Variants in VGLL4 observed in about 807,000 individuals in gnomAD.
VGLL4 encodes transcription cofactor vestigial-like protein 4.
VGLL4 carries 7 observed loss-of-function variants against 21.0 expected under a neutral mutation model. The observed-to-expected ratio is 0.33, with a 90% CI of 0.19 to 0.63. The LOEUF is 0.63. Ranked by LOEUF, VGLL4 falls within the 20% of genes least tolerant of loss-of-function variation. VGLL4 has a pLI of 0.78. For missense variants in VGLL4, 394 were observed against 425.7 expected (o/e 0.93, Z 0.66); for synonymous variants, 222 against 173.2 (o/e 1.28, Z -2.21).
At chr3:11,670,987 A>T (rs1186752215) in intron 2 of VGLL4, among the ~76,000 whole-genome samples, 1 of 152,248 alleles carries the variant, frequency 6.6e-6, no homozygotes, top group Non-Finnish European at 1.5e-5. Context: ...CAGTGAGCTG[A>T]GATCGTGCCA....
At chr3:11,691,761 C>T (rs994502245) in intron 2 of VGLL4, among the ~76,000 whole-genome samples, 20 of 152,138 alleles carry the variant, frequency 1.3e-4, no homozygotes, top group African/African-American at 4.8e-4. Context: ...ACAATGTCCT[C>T]CTAATCCTCA....
At chr3:11,640,609 C>A (rs2075671516) in intron 1 of VGLL4, among the ~76,000 whole-genome samples, 1 of 152,170 alleles carries the variant, frequency 6.6e-6, no homozygotes, top group Non-Finnish European at 1.5e-5. Context: ...CTTCTCCCAC[C>A]CCAAACCTGC....
chr3:11,641,074 G>A (rs796817677), intron 1 of VGLL4, among the ~76,000 whole-genome samples: 56 of 143,778 alleles, frequency 3.9e-4, no homozygotes, highest in African/African-American at 1.3e-3. Flanking sequence ...CCAAGATCGC[G>A]CCATTGCACT....
At chr3:11,638,085 G>GA (rs1216167613) in intron 1 of VGLL4, among the ~76,000 whole-genome samples, 4 of 152,170 alleles carry the variant, frequency 2.6e-5, no homozygotes, top group Non-Finnish European at 5.9e-5. Flanking sequence ...ATTTCTTCCT[G>GA]AAAAAATCCA....
rs1200204457 is a variant in VGLL4, at chr3:11,626,078, T to C, written c.82+17359A>G. 2.6e-5 allele frequency among the ~76,000 whole-genome samples: 4 copies of C among 152,214 alleles called. No individual in the cohort carries two copies. The East Asian group carries it at 5.8e-4, about 22-fold the overall frequency. On this transcript the variant is annotated intron_variant, in intron 1 of 4. Transcript: ENST00000430365. ...ATCTCAGCAAAGCTGTTAAAAATCTTAACTTAAAGAAACTATCATCTTTTA... is the reference window on the plus strand; with the variant it reads ...ATCTCAGCAAAGCTGTTAAAAATCTCAACTTAAAGAAACTATCATCTTTTA...
chr3:11,709,711 A>G (rs1339115980), intron 1 of VGLL4, among the ~76,000 whole-genome samples: 1 of 152,146 alleles, frequency 6.6e-6, no homozygotes, highest in Admixed American at 6.6e-5. Flanking sequence ...TTAGGGAACA[A>G]GAGGTATCGA....
chr3:11,713,557 A>G (rs2076877717), intron 1 of VGLL4, among the ~76,000 whole-genome samples: 1 of 93,296 alleles, frequency 1.1e-5, no homozygotes, highest in African/African-American at 4.9e-5. Flanking sequence ...AACTGTGTGT[A>G]TATATATTAT....
At chr3:11,638,090 A>T (rs2075622665) in intron 1 of VGLL4, among the ~76,000 whole-genome samples, 1 of 152,204 alleles carries the variant, frequency 6.6e-6, no homozygotes, top group South Asian at 2.1e-4. Flanking sequence ...TTCCTGAAAA[A>T]ATCCAGTTTT....
intron 2 of VGLL4, among the ~76,000 whole-genome samples, chr3:11,666,878 C>T (rs1363156835): frequency 6.6e-6 from 1 of 152,202 alleles, no homozygotes; most frequent in Non-Finnish European, 1.5e-5. Flanking sequence ...TGCTCCCCTC[C>T]ACTCCGGTGT....
At chr3:11,690,437 A>G (rs2076510694) in intron 2 of VGLL4, among the ~76,000 whole-genome samples, 1 of 152,220 alleles carries the variant, frequency 6.6e-6, no homozygotes, top group Non-Finnish European at 1.5e-5. Context: ...CTGAATGCCT[A>G]AATACTTTTT....
chr3:11,558,389 G>T lies in VGLL4; in HGVS notation c.*167C>A. The T allele has an allele frequency of 8.7e-7, 1 of 1,153,838 alleles. No individual in the cohort carries two copies. Among genetic ancestry groups the T allele is most frequent in the Non-Finnish European group, 1.2e-6 (1 of 842,612 alleles). The allele number at this position is 1,153,838 out of a possible 1,614,324, so 71.5% of individuals were successfully genotyped here. ...GAGGGCCCCCTTGTACGGATACCAA[G>T]CAAGTACAAAAACAGAACACAAATC... On this transcript the variant is annotated 3_prime_UTR_variant, in exon 5 of 5. Coordinates refer to ENST00000430365, the MANE Select transcript of VGLL4 (RefSeq NM_001128219.3).
intron 2 of VGLL4, among the ~76,000 whole-genome samples, chr3:11,694,888 C>T (rs1054677487): frequency 6.6e-6 from 1 of 152,084 alleles, no homozygotes; most frequent in Non-Finnish European, 1.5e-5. Context: ...TGTTGTGTCA[C>T]GGCTAGCTTT....
chr3:11,617,523 G>A (rs113094708), intron 1 of VGLL4, among the ~76,000 whole-genome samples: 3 of 152,326 alleles, frequency 2.0e-5, no homozygotes, highest in East Asian at 3.9e-4. Context: ...CAAGCGTTAC[G>A]TGAGGAAGCT....
At chr3:11,582,218 A>G (rs2074246674) in intron 2 of VGLL4, 2 of 1,546,236 alleles carry the variant, frequency 1.3e-6, no homozygotes, top group Admixed American at 1.8e-5. Flanking sequence ...AGCTGAAAAT[A>G]CAGGGTTGCC....
At position 11,639,919 on chromosome 3, in the gene VGLL4, C is replaced by T. The variant is rs78959295; in HGVS notation, c.82+3518G>A. Among the ~76,000 whole-genome samples the T allele has an allele frequency of 3.2e-3, 494 of 152,140 alleles. 2 individuals are homozygous for T. The highest frequency in any genetic ancestry group is 0.011 in the African/African-American group (461 of 41,500). On this transcript the variant is annotated intron_variant, in intron 1 of 4. Coordinates refer to ENST00000430365, the MANE Select transcript of VGLL4 (RefSeq NM_001128219.3). ...ATGAAATAATTCTGGAGAGGCAGCA[C>T]GGCATAGAAGATTCATAGAAGAGTC...
At chr3:11,648,484 G>C (rs1033164090), upstream of VGLL4, among the ~76,000 whole-genome samples, 3 of 152,154 alleles carry the variant, frequency 2.0e-5, no homozygotes, top group African/African-American at 7.2e-5. Flanking sequence ...GAAAACATTT[G>C]CTAAGCCAGA....
intron 2 of VGLL4, among the ~76,000 whole-genome samples, chr3:11,698,739 GT>G (rs575788861): frequency 3.2e-4 from 48 of 152,260 alleles, no homozygotes; most frequent in Middle Eastern, 6.8e-3. Flanking sequence ...CAACTATTGT[GT>G]TACTACAAAA....
At chr3:11,705,414 G>A (rs2125407645) in intron 1 of VGLL4, among the ~76,000 whole-genome samples, 1 of 152,330 alleles carries the variant, frequency 6.6e-6, no homozygotes, top group African/African-American at 2.4e-5. Context: ...AGAGTGGCAG[G>A]GAGGCAACGA....
At chr3:11,696,192 C>G (rs1025434160) in intron 2 of VGLL4, among the ~76,000 whole-genome samples, 8 of 152,168 alleles carry the variant, frequency 5.3e-5, no homozygotes, top group African/African-American at 1.9e-4. Flanking sequence ...GGGGAATGGG[C>G]AGGAATGACA....
Sources: gnomAD v4.1 joint callset for allele counts (sites outside exome capture counted in the v4.1 genomes callset) on GRCh38, gnomAD v4.1.1 for gene constraint, MANE v1.5 for transcripts, NCBI Gene and HGNC (gene_info 2026-07-23, HGNC 2026-07-21) for gene names.